RXFP2: variants seen among roughly 807,000 people sequenced by gnomAD.
RXFP2 encodes relaxin receptor 2.
A neutral mutation model predicts 88.6 loss-of-function variants in RXFP2; 68 were observed. The ratio of observed to expected loss-of-function variants is 0.77; its 90% confidence interval spans 0.63 to 0.94. The LOEUF (loss-of-function observed/expected upper bound fraction) is 0.94, where lower values mean the gene tolerates loss of function less well. Ranked by LOEUF, RXFP2 falls within the 40% of genes least tolerant of loss-of-function variation. The pLI is 0.00. For missense variants in RXFP2, 791 were observed against 893.9 expected (o/e 0.88, Z 1.47); for synonymous variants, 329 against 306.8 (o/e 1.07, Z -0.76).
intron 11 of RXFP2, among the ~76,000 whole-genome samples, chr13:31,784,170 G>A (rs925602228): frequency 6.6e-6 from 1 of 151,778 alleles, no homozygotes; most frequent in Non-Finnish European, 1.5e-5. Flanking sequence ...CAGTGGTACA[G>A]AGTCCATATT....
At chr13:31,790,537 GA>G (rs1326679395) in intron 14 of RXFP2, among the ~76,000 whole-genome samples, 3 of 152,170 alleles carry the variant, frequency 2.0e-5, no homozygotes, top group Admixed American at 2.0e-4. Context: ...GCTGATCCAA[GA>G]AGTATTTGTT....
rs765596917 is a variant in RXFP2, at chr13:31,782,694, A to G, written c.876A>G (p.Gln292=). Residue 292 remains glutamine (Q), a synonymous_variant, in exon 11 of 18, where the codon CAA becomes CAG. Transcript: ENST00000298386. ...SLTVLFLPRN[Q]IGFVPEKTFS... is the part of the protein sequence containing the mutation. The stretch of plus-strand genomic sequence containing the variant: ...CTTACAGGTTTCTGCCTAGAAATCA[A>G]ATTGGTTTTGTTCCAGAGAAGACAT... 1.9e-6 allele frequency: 3 copies of G among 1,612,168 alleles called. No homozygotes were observed. The highest frequency in any genetic ancestry group is 1.7e-4 in the Middle Eastern group (1 of 6,056).
chr13:31,797,495 A>G, intron 17 of RXFP2, 76 bp downstream of exon 17: 5 of 1,007,466 alleles, frequency 5.0e-6, no homozygotes, highest in Non-Finnish European at 7.9e-6. Flanking sequence ...GCCAGAGTCT[A>G]GGACACATAA....
At chr13:31,772,191 G>A (rs1872759704) in intron 5 of RXFP2, among the ~76,000 whole-genome samples, 1 of 152,162 alleles carries the variant, frequency 6.6e-6, no homozygotes, top group Admixed American at 6.5e-5. Flanking sequence ...GAAACAAACA[G>A]CAGTTCTCCT....
intron 9 of RXFP2, among the ~76,000 whole-genome samples, chr13:31,780,762 C>A (rs1470504201): frequency 6.6e-6 from 1 of 152,202 alleles, no homozygotes; most frequent in Non-Finnish European, 1.5e-5. Context: ...TGGGATGCCA[C>A]TGACCTGCAG....
At chr13:31,790,372 TC>T (rs1873737439) in intron 14 of RXFP2, among the ~76,000 whole-genome samples, 2 of 152,172 alleles carry the variant, frequency 1.3e-5, no homozygotes, top group Non-Finnish European at 2.9e-5. Context: ...TGCCAGGGAC[TC>T]CAGGGAAGGA....
intron 14 of RXFP2, 40 bp from the exon 15 acceptor site, chr13:31,791,766 C>G: frequency 2.2e-6 from 3 of 1,371,740 alleles, no homozygotes; most frequent in Non-Finnish European, 3.1e-6. Context: ...GGTTCTGTAT[C>G]ATTGCTGCAA....
At chr13:31,778,329 C>A (rs1163428757) in intron 8 of RXFP2, among the ~76,000 whole-genome samples, 183 bp from the exon 9 acceptor site, 1 of 152,134 alleles carries the variant, frequency 6.6e-6, no homozygotes, top group Non-Finnish European at 1.5e-5. Flanking sequence ...GTTTCTTTGA[C>A]AACATCTGCT....
intron 5 of RXFP2, among the ~76,000 whole-genome samples, chr13:31,773,162 C>A (rs1415711124): frequency 6.6e-6 from 1 of 152,166 alleles, no homozygotes; most frequent in African/African-American, 2.4e-5. Flanking sequence ...GAACCTTCAA[C>A]CAAAAGCAGA....
intron 1 of RXFP2, among the ~76,000 whole-genome samples, chr13:31,740,512 A>C (rs1206258570): frequency 6.6e-6 from 1 of 151,994 alleles, no homozygotes; most frequent in Non-Finnish European, 1.5e-5. Context: ...TAAAGGTTAA[A>C]ATTTGAAATT....
At chr13:31,768,624 AATATGTT>A (rs1309829446) in intron 5 of RXFP2, among the ~76,000 whole-genome samples, 1 of 152,156 alleles carries the variant, frequency 6.6e-6, no homozygotes, top group Non-Finnish European at 1.5e-5. Context: ...CCAGGCTCAG[AATATGTT>A]ATTATCAATG....
rs1242743026 is a variant in RXFP2 at position 31,802,323 on chromosome 13, G to C, written c.2183G>C (p.Trp728Ser). The change falls in exon 18 of 18, where the codon TGG becomes TCG. Residue 728 changes from tryptophan (W) to serine (S), a missense_variant. Transcript: ENST00000298386. ...AAAAGTTTATCTACATCCATTGTGT[G>C]GATAGAGGACTCCTCTTCCCTGAAA... is the stretch of plus-strand genomic sequence containing the variant. The part of the protein sequence containing the change: ...KKKSLSTSIV[W>S]IEDSSSLKLG... The C allele has an allele frequency of 6.2e-7, 1 of 1,611,614 alleles. No individual in the cohort carries two copies. The highest frequency in any genetic ancestry group is 8.5e-7 in the Non-Finnish European group (1 of 1,178,054).
In RXFP2 at chr13:31,752,186, A is replaced by T. The variant is rs80268529; in HGVS notation, c.95-6072A>T. On this transcript the variant is annotated intron_variant, in intron 1 of 17. Coordinates refer to ENST00000298386, the MANE Select transcript of RXFP2 (RefSeq NM_130806.5). ...GTAAATGAAAATGTATTGAGCCTAC[A>T]CTCTGTTCCACAAAGTTAGGCAGCA... Among the ~76,000 whole-genome samples the T allele has an allele frequency of 3.3e-3, 508 of 152,036 alleles. 5 individuals carry two copies. The highest frequency in any genetic ancestry group is 0.011 in the African/African-American group (463 of 41,468).
At chr13:31,745,334 T>G (rs1488691753) in intron 1 of RXFP2, among the ~76,000 whole-genome samples, 1 of 152,206 alleles carries the variant, frequency 6.6e-6, no homozygotes, top group African/African-American at 2.4e-5. Flanking sequence ...AGGTCTGAAC[T>G]GTCGCATCTC....
intron 16 of RXFP2, among the ~76,000 whole-genome samples, chr13:31,796,198 C>T (rs1046921825): frequency 1.3e-5 from 2 of 148,898 alleles, no homozygotes; most frequent in African/African-American, 2.4e-5. Context: ...TACAGGCGCC[C>T]GCCACCGCGC....
intron 5 of RXFP2, among the ~76,000 whole-genome samples, chr13:31,770,187 G>A (rs1872686184): frequency 6.6e-6 from 1 of 152,130 alleles, no homozygotes. Context: ...CTCTCTCTTT[G>A]AGGCATAGAC....
chr13:31,739,596 T>G lies in RXFP2; in HGVS notation c.-17T>G. 1 of 1,515,218 alleles carries G rather than the reference T, an allele frequency of 6.6e-7. No homozygotes were observed. Among genetic ancestry groups the G allele is most frequent in the Non-Finnish European group, 9.2e-7 (1 of 1,090,164 alleles). The allele number at this position is 1,515,218 out of a possible 1,614,324, so 93.9% of individuals were successfully genotyped here. A position where few individuals can be genotyped will look rare whatever the true frequency, so the allele number is the denominator to read the frequency against. On this transcript the variant is annotated 5_prime_UTR_variant, in exon 1 of 18. Coordinates refer to ENST00000298386, the MANE Select transcript of RXFP2 (RefSeq NM_130806.5). ...GGTATAAGAGGATACGTCTAATAAC[T>G]CAATTGCTGTAAACCTATGATTGTT...
chr13:31,778,839 T>C (rs1179347211), intron 9 of RXFP2, among the ~76,000 whole-genome samples: 1 of 152,198 alleles, frequency 6.6e-6, no homozygotes, highest in Non-Finnish European at 1.5e-5. Flanking sequence ...GACCCTCGTA[T>C]GCATGTATCA....
chr13:31,772,318 C>G (rs1297945558), intron 5 of RXFP2, among the ~76,000 whole-genome samples: 1 of 152,116 alleles, frequency 6.6e-6, no homozygotes, highest in Non-Finnish European at 1.5e-5. Context: ...CTCTTGAATA[C>G]AAAATGGCAC....
Sources: gnomAD v4.1 joint callset for allele counts (sites outside exome capture counted in the v4.1 genomes callset) on GRCh38, gnomAD v4.1.1 for gene constraint, MANE v1.5 for transcripts, NCBI Gene and HGNC (gene_info 2026-07-23, HGNC 2026-07-21) for gene names.